Variants in PRKN observed in about 807,000 individuals in gnomAD.
PRKN encodes the protein E3 ubiquitin-protein ligase parkin.
Under a neutral mutation model 59.5 loss-of-function variants are expected in PRKN, and 56 were observed. The observed-to-expected ratio is 0.94, with a 90% CI of 0.76 to 1.18. The LOEUF (loss-of-function observed/expected upper bound fraction) is 1.18, where lower values mean the gene tolerates loss of function less well. PRKN is among the 50% of genes most tolerant of loss of function. PRKN has a pLI of 0.00. For synonymous variants in PRKN, 250 were observed against 222.1 expected, an observed-to-expected ratio of 1.13 and a Z score of -1.12; for missense variants, 657 against 596.4, an observed-to-expected ratio of 1.10 and a Z score of -1.06.
chr6:162,354,818 T>G (rs1423102553), intron 2 of PRKN, among the ~76,000 whole-genome samples: 4 of 152,092 alleles, frequency 2.6e-5, no homozygotes, highest in Non-Finnish European at 2.9e-5. Context: ...ATTGAATAAG[T>G]TGACGTATTA....
At position 162,128,204 on chromosome 6, in the gene PRKN, G is replaced by T. The variant is rs114519590; in HGVS notation, c.534+72927C>A. ...TCTTCTGTTCACAACAGCATTGCCA[G>T]TACCTTACTCAATGCCTATCACATA... On this transcript the variant is annotated intron_variant, in intron 4 of 11. Coordinates refer to ENST00000366898, the MANE Select transcript of PRKN (RefSeq NM_004562.3). 1.8e-3 allele frequency among the ~76,000 whole-genome samples: 274 copies of T among 152,312 alleles called. 4 individuals carry two copies. The highest frequency in any genetic ancestry group is 6.3e-3 in the African/African-American group (260 of 41,576).
intron 7 of PRKN, among the ~76,000 whole-genome samples, chr6:161,574,217 G>A (rs1781043534): frequency 6.6e-6 from 1 of 152,196 alleles, no homozygotes; most frequent in South Asian, 2.1e-4. Context: ...GTGTGAAGAT[G>A]GGGCTTAAAA....
In PRKN at chr6:161,562,087, T is replaced by C. The variant is rs960794439; in HGVS notation, c.933+7268A>G. On this transcript the variant is annotated intron_variant, in intron 8 of 11. Coordinates refer to ENST00000366898, the MANE Select transcript of PRKN (RefSeq NM_004562.3). The surrounding 1 kb of genome is among the most constrained non-coding windows in gnomAD (Gnocchi z 4.3). ...ACACCATAAATCAGCATTCCTCCTCTGGAAGCCCCACCTTCTCAGCTTCCC... is the reference window on the plus strand; with the variant it reads ...ACACCATAAATCAGCATTCCTCCTCCGGAAGCCCCACCTTCTCAGCTTCCC... Among the ~76,000 whole-genome samples the C allele has an allele frequency of 4.0e-5, 6 of 150,870 alleles. No homozygotes were observed. The highest frequency in any genetic ancestry group is 8.9e-5 in the Non-Finnish European group (6 of 67,710).
rs189577260 is a variant in PRKN at position 162,338,309 on chromosome 6, C to T, written c.172-75544G>A. 3.1e-3 allele frequency among the ~76,000 whole-genome samples: 465 copies of T among 152,020 alleles called. 3 individuals carry two copies. Among genetic ancestry groups the T allele is most frequent in the African/African-American group, 9.5e-3 (395 of 41,502 alleles). ...CTCTTTCCACGGTCTCCCTCTCATGCGGAGCCGAAGCTGGACTGTACTGCT... is the reference window on the plus strand; with the variant it reads ...CTCTTTCCACGGTCTCCCTCTCATGTGGAGCCGAAGCTGGACTGTACTGCT... On this transcript the variant is annotated intron_variant, in intron 2 of 11. Coordinates refer to ENST00000366898, the MANE Select transcript of PRKN (RefSeq NM_004562.3).
Position 161,352,755 on chromosome 6 carries a change from G to GTATATATATATATATATATATATA in PRKN, c.1286-2545_1286-2544insTATATATATATATATATATATATA, listed in dbSNP as rs1554251151. Among the ~76,000 whole-genome samples the GTATATATATATATATATATATATA allele has an allele frequency of 4.5e-5, 6 of 134,378 alleles. No homozygotes were observed. The highest frequency in any genetic ancestry group is 1.7e-4 in the African/African-American group (6 of 35,726). 88.2% of individuals were successfully genotyped at this position (134,378 alleles called of 152,430 possible). A position where few individuals can be genotyped will look rare whatever the true frequency, so the allele number is the denominator to read the frequency against. The stretch of plus-strand genomic sequence containing the variant: ...TGTGTGTGTGTGTGTGTGTGTGTGT[G>GTATATATATATATATATATATATA]TATATATATATATATATTTTATTTT... On this transcript the variant is annotated intron_variant, in intron 11 of 11. Transcript: ENST00000366898. The surrounding 1 kb of genome is among the most constrained non-coding windows in gnomAD (Gnocchi z 5.8).
chr6:161,629,195 T>C (rs1783203622), intron 7 of PRKN, among the ~76,000 whole-genome samples: 1 of 152,074 alleles, frequency 6.6e-6, no homozygotes, highest in African/African-American at 2.4e-5. Flanking sequence ...TTGAAGGCGT[T>C]TGCTCAAAAA....
intron 3 of PRKN, among the ~76,000 whole-genome samples, chr6:162,250,300 A>T (rs367760642): frequency 6.6e-6 from 1 of 152,104 alleles, no homozygotes; most frequent in Non-Finnish European, 1.5e-5. Context: ...ATTGGCAGGG[A>T]GCTGTACCAC....
intron 1 of PRKN, among the ~76,000 whole-genome samples, chr6:162,659,291 T>C (rs1490176999): frequency 6.7e-6 from 1 of 148,272 alleles, no homozygotes; most frequent in Non-Finnish European, 1.5e-5. Flanking sequence ...AAGGTTTATA[T>C]TGGAACAAGT....
Position 162,638,031 on chromosome 6 carries a change from T to A in PRKN, c.7+89631A>T, listed in dbSNP as rs537475537. ...ACGAAGGCAGATGACATTCTCAGAT[T>A]CCTTTATATAGTTTCTTTCATAGTT... On this transcript the variant is annotated intron_variant, in intron 1 of 11. Coordinates refer to ENST00000366898, the MANE Select transcript of PRKN (RefSeq NM_004562.3). Among the ~76,000 whole-genome samples, 433 of 144,048 alleles carry A rather than the reference T, an allele frequency of 3.0e-3. 5 individuals are homozygous for A. Among genetic ancestry groups the A allele is most frequent in the African/African-American group, 0.01 (413 of 41,252 alleles). 94.5% of individuals were successfully genotyped at this position (144,048 alleles called of 152,430 possible).
At position 161,584,989 on chromosome 6, in the gene PRKN, A is replaced by G. The variant is rs1283691465; in HGVS notation, c.872-15573T>C. Among the ~76,000 whole-genome samples, 1 of 152,228 alleles carries G rather than the reference A, an allele frequency of 6.6e-6. No homozygotes were observed. The highest frequency in any genetic ancestry group is 1.5e-5 in the Non-Finnish European group (1 of 68,038). ...TGTCAACAATGGCTTCTCCATTTGT[A>G]TGAAGCCCAATTTGTATTTGGAGAA... On this transcript the variant is annotated intron_variant, in intron 7 of 11. Coordinates refer to ENST00000366898, the MANE Select transcript of PRKN (RefSeq NM_004562.3). This position sits in a 1 kb window ranked among gnomAD's most constrained non-coding sequence, Gnocchi z 4.8.
rs1788551405 is a variant in PRKN, at chr6:161,429,592, G to A, written c.1084-42715C>T. ...GATGGAACTAGAAGAACCTGGATGT[G>A]AAGCGGGAGGGCCAGGGAGGCCACG... On this transcript the variant is annotated intron_variant, in intron 9 of 11. Transcript: ENST00000366898. The surrounding 1 kb of genome is among the most constrained non-coding windows in gnomAD (Gnocchi z 4.2). Among the ~76,000 whole-genome samples, 1 of 152,138 alleles carries A rather than the reference G, an allele frequency of 6.6e-6. No homozygotes were observed. The highest frequency in any genetic ancestry group is 2.1e-4 in the South Asian group (1 of 4,828).
At chr6:162,712,228 G>C (rs1778563644) in intron 1 of PRKN, among the ~76,000 whole-genome samples, 1 of 152,092 alleles carries the variant, frequency 6.6e-6, no homozygotes, top group Non-Finnish European at 1.5e-5. Flanking sequence ...GGGATACCAA[G>C]ACTGCATTGT....
intron 1 of PRKN, chr6:162,568,281 G>T: frequency 4.3e-6 from 1 of 229,994 alleles, no homozygotes. Context: ...ATCATATCAA[G>T]TCAAAAAGCT....
chr6:161,596,970 G>C (rs1428203921), intron 7 of PRKN, among the ~76,000 whole-genome samples: 1 of 152,198 alleles, frequency 6.6e-6, no homozygotes, highest in Non-Finnish European at 1.5e-5. Flanking sequence ...ACTGTATTAG[G>C]AGTGTTCATA....
intron 2 of PRKN, among the ~76,000 whole-genome samples, chr6:162,438,711 A>T (rs1374343148): frequency 3.3e-5 from 5 of 152,164 alleles, no homozygotes; most frequent in Admixed American, 3.3e-4. Flanking sequence ...TTCTTTCAAG[A>T]TCTAAAATTT....
intron 5 of PRKN, among the ~76,000 whole-genome samples, chr6:162,025,403 C>T (rs1783392758): frequency 6.6e-6 from 1 of 151,920 alleles, no homozygotes; most frequent in African/African-American, 2.4e-5. Context: ...TTCTTCCTTC[C>T]TGTGCAGTAC....
At chr6:162,443,563 C>A in intron 1 of PRKN, 90 bp from the exon 2 acceptor site, 1 of 1,157,220 alleles carries the variant, frequency 8.6e-7, no homozygotes. Context: ...CCGATTTACC[C>A]CTCGCAGCCC....
rs1257479455 is a variant in PRKN at position 161,419,093 on chromosome 6, C to T, written c.1084-32216G>A. Among the ~76,000 whole-genome samples, 1 of 152,182 alleles carries T rather than the reference C, an allele frequency of 6.6e-6. No homozygotes were observed. The highest frequency in any genetic ancestry group is 2.4e-5 in the African/African-American group (1 of 41,430). The stretch of plus-strand genomic sequence containing the variant: ...GGAATTATAAGTTCACACAGTGACA[C>T]ACAAATATGTAAGGTCATTAGTGTT... On this transcript the variant is annotated intron_variant, in intron 9 of 11. Transcript: ENST00000366898. The surrounding 1 kb of genome is among the most constrained non-coding windows in gnomAD (Gnocchi z 4.1).
chr6:161,943,581 T>C lies in PRKN; in HGVS notation c.734+29721A>G, dbSNP rs193117800. Among the ~76,000 whole-genome samples, 136 of 152,368 alleles carry C rather than the reference T, an allele frequency of 8.9e-4. 1 individual carries two copies. Among genetic ancestry groups the C allele is most frequent in the African/African-American group, 3.2e-3 (133 of 41,590 alleles). On this transcript the variant is annotated intron_variant, in intron 6 of 11. Transcript: ENST00000366898. ...AATCCTGAAATAAAGTCAAATGATATGATTTGCATTTTCCCAGCAGCCTCT... is the reference window on the plus strand; with the variant it reads ...AATCCTGAAATAAAGTCAAATGATACGATTTGCATTTTCCCAGCAGCCTCT...
Sources: allele counts gnomAD v4.1 joint callset (sites outside exome capture counted in the v4.1 genomes callset), GRCh38; gene constraint gnomAD v4.1.1; non-coding constraint Gnocchi (gnomAD v3.1); transcripts MANE v1.5; gene names NCBI Gene and HGNC (gene_info 2026-07-23, HGNC 2026-07-21).